The following NPFFR2 variants were observed in gnomAD, a reference collection of about 807,000 sequenced individuals.
NPFFR2 encodes neuropeptide FF receptor 2.
In NPFFR2, 15 loss-of-function variants were observed where a neutral mutation model predicts 13.1. The ratio of observed to expected loss-of-function variants is 1.15; its 90% CI spans 0.77 to 1.76. The LOEUF (loss-of-function observed/expected upper bound fraction) is 1.76, where lower values mean the gene tolerates loss of function less well. NPFFR2 is among the 40% of genes most tolerant of loss of function. The probability of loss-of-function intolerance (pLI) is 0.00; values close to 1 mark genes in which losing one functional copy is unlikely to be tolerated. For synonymous variants in NPFFR2, 190 were observed against 175.7 expected (o/e 1.08, Z -0.65); for missense variants, 572 against 503.5 (o/e 1.14, Z -1.30).
At chr4:72,059,562 C>G (rs896206276) in intron 1 of NPFFR2, among the ~76,000 whole-genome samples, 5 of 152,050 alleles carry the variant, frequency 3.3e-5, no homozygotes, top group African/African-American at 1.2e-4. Flanking sequence ...GATGATGGCA[C>G]TAATCTCTGT....
chr4:72,103,441 C>G (rs998468805), intron 1 of NPFFR2, among the ~76,000 whole-genome samples: 1 of 152,056 alleles, frequency 6.6e-6, no homozygotes, highest in African/African-American at 2.4e-5. Context: ...GTTGCCAATG[C>G]CTTGATCTTG....
At chr4:72,053,783 A>T (rs918127727) in intron 1 of NPFFR2, among the ~76,000 whole-genome samples, 2 of 151,778 alleles carry the variant, frequency 1.3e-5, no homozygotes, top group African/African-American at 4.8e-5. Flanking sequence ...ATTTTTTTCT[A>T]ATGCACTAGC....
At chr4:72,144,170 ACCTAG>A in intron 3 of NPFFR2, among the ~76,000 whole-genome samples, 1 of 147,138 alleles carries the variant, frequency 6.8e-6, no homozygotes, top group Non-Finnish European at 1.5e-5. Context: ...TCCTGTTGGT[ACCTAG>A]TCCAGGGAGA....
At position 72,138,043 on chromosome 4, in the gene NPFFR2, G is replaced by T. The variant is rs2109843669; in HGVS notation, c.332G>T (p.Trp111Leu). ...GACTGTTTCATTTTCCTTTCAGGAT[G>T]GCCATTTGGAAACACGATGTGCAAG... ...ITLLDNIIAG[W>L]PFGNTMCKIS... Residue 111 changes from tryptophan (W) to leucine (L), a missense_variant, in exon 3 of 4, where the codon TGG (tryptophan) becomes TTG (leucine). By Grantham distance (61) the Trp-to-Leu change is moderately conservative. Transcript: ENST00000308744. 6.2e-7 allele frequency: 1 copy of T among 1,609,430 alleles called. No homozygotes were observed. Among genetic ancestry groups the T allele is most frequent in the Non-Finnish European group, 8.5e-7 (1 of 1,176,546 alleles).
intron 1 of NPFFR2, among the ~76,000 whole-genome samples, chr4:72,069,580 T>A (rs955710846): frequency 1.3e-5 from 2 of 152,082 alleles, no homozygotes; most frequent in South Asian, 2.1e-4. Context: ...TTAGTCAACA[T>A]GAAAGTTTTA....
At chr4:72,064,574 G>A (rs1489677230) in intron 1 of NPFFR2, among the ~76,000 whole-genome samples, 1 of 152,148 alleles carries the variant, frequency 6.6e-6, no homozygotes, top group East Asian at 1.9e-4. Flanking sequence ...CCACTCTTAA[G>A]GAAGTGGGAA....
chr4:72,065,364 TC>T (rs1217542748), intron 1 of NPFFR2, among the ~76,000 whole-genome samples: 1 of 152,094 alleles, frequency 6.6e-6, no homozygotes, highest in Non-Finnish European at 1.5e-5. Context: ...TAATCTTAAT[TC>T]TTAAAGAAGA....
At chr4:72,069,126 C>A in intron 1 of NPFFR2, 1 of 432,510 alleles carries the variant, frequency 2.3e-6, no homozygotes, top group Non-Finnish European at 4.2e-6. Context: ...AACAGTAATG[C>A]TAAGCCTTAT....
At chr4:72,037,203 A>G (rs534036215) in intron 1 of NPFFR2, among the ~76,000 whole-genome samples, 3 of 151,860 alleles carry the variant, frequency 2.0e-5, no homozygotes, top group South Asian at 2.1e-4. Flanking sequence ...AGCCTAGGCA[A>G]CATAGTGAGA....
intron 1 of NPFFR2, among the ~76,000 whole-genome samples, chr4:72,123,594 C>G: frequency 6.6e-6 from 1 of 152,190 alleles, no homozygotes; most frequent in Non-Finnish European, 1.5e-5. Context: ...CCTTGGGATG[C>G]AAGGCTGGTT....
At chr4:72,102,206 G>A (rs1055329997) in intron 1 of NPFFR2, among the ~76,000 whole-genome samples, 3 of 151,914 alleles carry the variant, frequency 2.0e-5, no homozygotes, top group Non-Finnish European at 4.4e-5. Flanking sequence ...ACAAGATTAC[G>A]AGATCAATTG....
intron 1 of NPFFR2, among the ~76,000 whole-genome samples, chr4:72,114,534 G>A (rs956796757): frequency 6.6e-6 from 1 of 152,132 alleles, no homozygotes; most frequent in African/African-American, 2.4e-5. Context: ...TTTGGCAAAT[G>A]TAAATAATGC....
chr4:72,089,817 T>G (rs545456430), intron 1 of NPFFR2, among the ~76,000 whole-genome samples: 1 of 152,228 alleles, frequency 6.6e-6, no homozygotes, highest in East Asian at 1.9e-4. Context: ...GAAGTTTTTT[T>G]ACTTTAATTA....
intron 1 of NPFFR2, among the ~76,000 whole-genome samples, chr4:72,047,273 A>G (rs952642672): frequency 1.3e-5 from 2 of 152,188 alleles, no homozygotes; most frequent in Non-Finnish European, 2.9e-5. Context: ...CAGGTGCTAT[A>G]TATCAAGACC....
At chr4:72,094,552 A>G (rs1406484883) in intron 1 of NPFFR2, among the ~76,000 whole-genome samples, 2 of 152,112 alleles carry the variant, frequency 1.3e-5, no homozygotes, top group Non-Finnish European at 2.9e-5. Context: ...TGTGGTTCCC[A>G]GAGGGATTAT....
intron 1 of NPFFR2, among the ~76,000 whole-genome samples, chr4:72,056,943 T>C (rs533747279): frequency 2.0e-5 from 3 of 151,998 alleles, no homozygotes; most frequent in Non-Finnish European, 2.9e-5. Context: ...TTTTTGTCTG[T>C]TTTTTAGAGG....
chr4:72,057,308 G>C (rs572645903), intron 1 of NPFFR2, among the ~76,000 whole-genome samples: 26 of 151,970 alleles, frequency 1.7e-4, no homozygotes, highest in Admixed American at 3.3e-4. Flanking sequence ...TCATAAATGT[G>C]GTGGCTTAAA....
At chr4:72,052,890 A>G (rs1191519492) in intron 1 of NPFFR2, among the ~76,000 whole-genome samples, 5 of 151,962 alleles carry the variant, frequency 3.3e-5, no homozygotes, top group Non-Finnish European at 7.4e-5. Context: ...CAGGTCTTAC[A>G]TAATAACTTA....
At chr4:72,102,247 G>GATT (rs1721272072) in intron 1 of NPFFR2, among the ~76,000 whole-genome samples, 1 of 152,018 alleles carries the variant, frequency 6.6e-6, no homozygotes, top group Non-Finnish European at 1.5e-5. Flanking sequence ...TTAAATGTCA[G>GATT]ATTAAAGAGC....
Sources: gnomAD v4.1 joint callset for allele counts (sites outside exome capture counted in the v4.1 genomes callset) on GRCh38, gnomAD v4.1.1 for gene constraint, MANE v1.5 for transcripts, NCBI Gene and HGNC (gene_info 2026-07-23, HGNC 2026-07-21) for gene names.